Variants in SLC35D2 observed in about 807,000 individuals in gnomAD.
The protein encoded by SLC35D2 is solute carrier family 35 member D2.
SLC35D2 carries 43 observed loss-of-function variants against 41.8 expected under a neutral mutation model. The observed-to-expected ratio is 1.03, with a 90% CI of 0.81 to 1.33. The LOEUF (loss-of-function observed/expected upper bound fraction) is 1.33. Ranked by LOEUF, SLC35D2 falls within the 40% of genes most tolerant of loss-of-function variation. The probability of loss-of-function intolerance (pLI) is 0.00; values close to 1 mark genes in which losing one functional copy is unlikely to be tolerated. For missense variants in SLC35D2, 380 were observed against 408.4 expected (o/e 0.93, Z 0.60); for synonymous variants, 150 against 163.9 (o/e 0.92, Z 0.65).
exon 12 of SLC35D2, among the ~76,000 whole-genome samples, chr9:96,313,513 G>A (rs942597541): frequency 1.1e-4 from 17 of 152,146 alleles, no homozygotes; most frequent in African/African-American, 4.1e-4. Flanking sequence ...GCTGATCTCT[G>A]TCTCCAGACT....
chr9:96,350,958 G>T, intron 6 of SLC35D2, 145 bp downstream of exon 6: 1 of 611,760 alleles, frequency 1.6e-6, no homozygotes. Flanking sequence ...AGGAACACAT[G>T]GGGATTCCAC....
At chr9:96,347,396 G>A (rs1231466855) in intron 6 of SLC35D2, among the ~76,000 whole-genome samples, 2 of 152,182 alleles carry the variant, frequency 1.3e-5, no homozygotes, top group East Asian at 3.8e-4. Context: ...TAGGCCAGTG[G>A]TGACAGCACA....
chr9:96,319,947 T>C (rs931396836), downstream of SLC35D2, among the ~76,000 whole-genome samples: 1 of 152,186 alleles, frequency 6.6e-6, no homozygotes, highest in African/African-American at 2.4e-5. Context: ...ACGGGCCAAG[T>C]GACTTGGGAA....
intron 8 of SLC35D2, among the ~76,000 whole-genome samples, chr9:96,342,034 A>G (rs371411869): frequency 2.6e-5 from 4 of 151,344 alleles, no homozygotes; most frequent in African/African-American, 9.7e-5. Context: ...ACAAAAAAAA[A>G]CCCTCGTTTC....
intron 4 of SLC35D2, among the ~76,000 whole-genome samples, chr9:96,359,041 A>G (rs974132337): frequency 1.3e-5 from 2 of 152,140 alleles, no homozygotes; most frequent in African/African-American, 4.8e-5. Flanking sequence ...GCGGTGGCTC[A>G]TGCCTGTAAT....
chr9:96,320,341 C>A (rs1259300301), downstream of SLC35D2, among the ~76,000 whole-genome samples: 1 of 152,148 alleles, frequency 6.6e-6, no homozygotes, highest in Non-Finnish European at 1.5e-5. Context: ...TGAGGCCAAA[C>A]CTTGTCTCTA....
intron 1 of SLC35D2, among the ~76,000 whole-genome samples, chr9:96,376,452 T>A (rs960739705): frequency 6.7e-6 from 1 of 148,252 alleles, no homozygotes; most frequent in Non-Finnish European, 1.5e-5. Context: ...TAAAAAAATA[T>A]ATAAAAATTA....
At chr9:96,355,157 T>TA (rs1425811887) in intron 4 of SLC35D2, among the ~76,000 whole-genome samples, 5 of 151,582 alleles carry the variant, frequency 3.3e-5, no homozygotes, top group Non-Finnish European at 7.4e-5. Flanking sequence ...TAGCTGGGAT[T>TA]TAGGTGTGCA....
At chr9:96,381,462 C>G (rs1831195273) in intron 1 of SLC35D2, among the ~76,000 whole-genome samples, 1 of 152,192 alleles carries the variant, frequency 6.6e-6, no homozygotes, top group Non-Finnish European at 1.5e-5. Flanking sequence ...CTTCCCCCGT[C>G]CCCCAGTGTG....
At chr9:96,372,470 GAAGAA>G (rs573606872) in intron 1 of SLC35D2, among the ~76,000 whole-genome samples, 26 of 149,470 alleles carry the variant, frequency 1.7e-4, no homozygotes, top group African/African-American at 6.1e-4. Context: ...GGGGAGAAAA[GAAGAA>G]AAGAAACTTT....
intron 9 of SLC35D2, among the ~76,000 whole-genome samples, chr9:96,335,269 A>G (rs1159729405): frequency 6.6e-6 from 1 of 152,240 alleles, no homozygotes; most frequent in Non-Finnish European, 1.5e-5. Flanking sequence ...GGATACTCCC[A>G]AGATTTCCAA....
chr9:96,321,259 A>T lies in SLC35D2; in HGVS notation c.997T>A (p.Leu333Met). The change falls in exon 12 of 12, where the codon TTG becomes ATG. Residue 333 changes from leucine to methionine, a missense_variant. Leu to Met is a conservative substitution (Grantham distance 15). Transcript: ENST00000253270. ...PKPVGEENIC[L>M]DLKS ...CAGACTCTTTAGCTCTTCAAATCCA[A>T]ACAGATGTTTTCTTCACCCACAGGT... 1.9e-6 allele frequency: 3 copies of T among 1,613,502 alleles called. No individual in the cohort carries two copies. The highest frequency in any genetic ancestry group is 2.5e-6 in the Non-Finnish European group (3 of 1,179,548).
intron 2 of SLC35D2, among the ~76,000 whole-genome samples, chr9:96,364,799 T>C (rs1830412246): frequency 1.3e-5 from 2 of 152,026 alleles, no homozygotes; most frequent in South Asian, 4.1e-4. Context: ...ACAGCTATAA[T>C]CACAGCACTT....
intron 9 of SLC35D2, among the ~76,000 whole-genome samples, chr9:96,328,404 C>T (rs941093170): frequency 3.3e-5 from 5 of 152,186 alleles, no homozygotes; most frequent in Non-Finnish European, 7.3e-5. Context: ...GTGTGAGCCA[C>T]CACGCCCAGC....
chr9:96,377,183 G>A (rs575654383), intron 1 of SLC35D2, among the ~76,000 whole-genome samples: 3 of 151,776 alleles, frequency 2.0e-5, no homozygotes, highest in East Asian at 2.0e-4. Flanking sequence ...TCTCGGAGAG[G>A]TGCAGTTACT....
rs529901996 is a variant in SLC35D2 at position 96,342,251 on chromosome 9, C to T, written c.684+1653G>A. ...TCAGCCTCCTGAGAAGCTGGGATTA[C>T]AGGCACCCGCCACCATGCCTGGCTT... On this transcript the variant is annotated intron_variant, in intron 8 of 11. Transcript: ENST00000253270. 1.8e-4 allele frequency among the ~76,000 whole-genome samples: 27 copies of T among 152,184 alleles called. 1 individual carries two copies. The highest frequency in any genetic ancestry group is 6.3e-4 in the African/African-American group (26 of 41,536).
At chr9:96,358,078 T>TATATATATATATATATATATATATATA (rs1491320526) in intron 4 of SLC35D2, among the ~76,000 whole-genome samples, 1 of 79,254 alleles carries the variant, frequency 1.3e-5, no homozygotes, top group African/African-American at 6.7e-5. Context: ...ATATTATATA[T>TATATATATATATATATATATATATATA]TTTATATATA....
At chr9:96,346,856 G>A (rs190480802) in intron 6 of SLC35D2, among the ~76,000 whole-genome samples, 143 of 151,662 alleles carry the variant, frequency 9.4e-4, no homozygotes, top group Non-Finnish European at 1.6e-3. Context: ...AGGATTTTTG[G>A]CCAGGCGTGG....
chr9:96,368,243 A>C (rs750361648), intron 2 of SLC35D2, 29 bp downstream of exon 2: 4 of 1,557,008 alleles, frequency 2.6e-6, no homozygotes. Flanking sequence ...TAACAAAATA[A>C]GAGGTTAATT....
Sources: gnomAD v4.1 joint callset for allele counts (sites outside exome capture counted in the v4.1 genomes callset) on GRCh38, gnomAD v4.1.1 for gene constraint, MANE v1.5 for transcripts, NCBI Gene and HGNC (gene_info 2026-07-23, HGNC 2026-07-21) for gene names.